RAG1: variants seen among roughly 807,000 people sequenced by gnomAD.
The protein encoded by RAG1 is V(D)J recombination-activating protein 1.
A neutral mutation model predicts 62.7 loss-of-function variants in RAG1; 35 were observed. The ratio of observed to expected loss-of-function variants is 0.56; its 90% CI spans 0.43 to 0.74. The LOEUF is 0.74. RAG1 is among the 30% of genes least tolerant of loss of function. The probability of loss-of-function intolerance (pLI) is 0.00; values close to 1 mark genes in which losing one functional copy is unlikely to be tolerated. For missense variants in RAG1, 1,169 were observed against 1,278.6 expected, an observed-to-expected ratio of 0.91 and a Z score of 1.31; for synonymous variants, 461 against 470.3, an observed-to-expected ratio of 0.98 and a Z score of 0.26.
intron 3 of RAG1, among the ~76,000 whole-genome samples, chr11:36,545,684 A>G (rs772642405): frequency 3.3e-5 from 5 of 152,286 alleles, no homozygotes; most frequent in Middle Eastern, 3.4e-3. Context: ...CTGTTCTTCT[A>G]TTGGCAGACA....
downstream of RAG1, among the ~76,000 whole-genome samples, chr11:36,539,157 G>A (rs115649995): frequency 0.013 from 1,931 of 152,192 alleles, 41 homozygotes; most frequent in African/African-American, 0.043. Context: ...CGGTCATAAG[G>A]GTGGGGTCTT....
At chr11:36,541,941 G>A (rs1229544282) in intron 3 of RAG1, among the ~76,000 whole-genome samples, 1 of 152,098 alleles carries the variant, frequency 6.6e-6, no homozygotes, top group Non-Finnish European at 1.5e-5. Context: ...TGGGAAGATT[G>A]TGACCCCATA....
intron 2 of RAG1, among the ~76,000 whole-genome samples, chr11:36,524,901 C>A (rs1367132724): frequency 6.6e-6 from 1 of 152,174 alleles, no homozygotes; most frequent in East Asian, 1.9e-4. Context: ...CTTTTCATAT[C>A]ATTTGCCCAT....
intron 1 of RAG1, among the ~76,000 whole-genome samples, chr11:36,518,157 A>C (rs779651335): frequency 1.3e-4 from 19 of 151,852 alleles, no homozygotes; most frequent in Non-Finnish European, 2.6e-4. Context: ...TTTCCCTACA[A>C]AGGACATGAA....
rs767836814 is a variant in RAG1, at chr11:36,576,415, C to A, written c.3111C>A (p.Ser1037Arg). The stretch of plus-strand genomic sequence containing the variant: ...TAGGCATAGAGGACTCTCTGGAAAG[C>A]CAAGATTCAATGGAATTTTAAGTAG... ...DPLGIEDSLESQDSMEF is the reference protein window; with the variant it reads ...DPLGIEDSLERQDSMEF The change falls in exon 2 of 2, where the codon AGC becomes AGA. Residue 1037 changes from serine to arginine, a missense_variant. Physicochemically the swap from Ser to Arg is moderately radical, Grantham distance 110 (BLOSUM62 -1). Around this residue, in one of 2 missense-constraint regions of RAG1, gnomAD observed 800 missense variants for 943.3 expected, o/e 0.85. Coordinates refer to ENST00000299440, the MANE Select transcript of RAG1 (RefSeq NM_000448.3). The A allele has an allele frequency of 6.2e-7, 1 of 1,614,020 alleles. No individual in the cohort carries two copies.
chr11:36,529,164 C>T (rs1272168050), intron 2 of RAG1, among the ~76,000 whole-genome samples: 1 of 152,070 alleles, frequency 6.6e-6, no homozygotes, highest in African/African-American at 2.4e-5. Context: ...CATCCTGATA[C>T]CAAAACCTGG....
chr11:36,536,821 C>T (rs571663486), downstream of RAG1, among the ~76,000 whole-genome samples: 207 of 151,416 alleles, frequency 1.4e-3, 2 homozygotes, highest in Middle Eastern at 0.014. Context: ...TGCAGTGGCA[C>T]GATCTCAGCT....
downstream of RAG1, among the ~76,000 whole-genome samples, chr11:36,539,723 C>G (rs1405377349): frequency 6.6e-6 from 1 of 152,180 alleles, no homozygotes; most frequent in South Asian, 2.1e-4. Context: ...GGTGATCTGC[C>G]CACCTCGGCC....
intron 2 of RAG1, among the ~76,000 whole-genome samples, chr11:36,523,166 A>G (rs1860107403): frequency 6.6e-6 from 1 of 152,186 alleles, no homozygotes; most frequent in African/African-American, 2.4e-5. Context: ...GTGGAATGAT[A>G]TGATTTGGCT....
chr11:36,521,077 A>C (rs894158338), intron 2 of RAG1, among the ~76,000 whole-genome samples: 2 of 150,796 alleles, frequency 1.3e-5, no homozygotes, highest in African/African-American at 4.9e-5. Flanking sequence ...CCCCTGCCTC[A>C]GCCTCCTGAG....
intron 1 of RAG1, among the ~76,000 whole-genome samples, chr11:36,573,008 G>A (rs1422839363): frequency 6.6e-6 from 1 of 152,134 alleles, no homozygotes; most frequent in Non-Finnish European, 1.5e-5. Context: ...CAAAGATTCT[G>A]TCCTTAAAGA....
chr11:36,549,958 A>C, intron 3 of RAG1, among the ~76,000 whole-genome samples: 4 of 152,112 alleles, frequency 2.6e-5, no homozygotes, highest in African/African-American at 9.7e-5. Context: ...AGTTCATGTC[A>C]TTTGCAGAAA....
chr11:36,546,552 AT>A (rs1481149565), intron 3 of RAG1, among the ~76,000 whole-genome samples: 1 of 152,088 alleles, frequency 6.6e-6, no homozygotes, highest in Non-Finnish European at 1.5e-5. Flanking sequence ...CTGTCTTTTA[AT>A]TGGGGGCATT....
upstream of RAG1, among the ~76,000 whole-genome samples, chr11:36,566,823 GGCT>G (rs1850668797): frequency 6.6e-6 from 1 of 152,162 alleles, no homozygotes; most frequent in Non-Finnish European, 1.5e-5. Context: ...GTGGCCCCAG[GGCT>G]GTTGTGTGGT....
chr11:36,513,634 C>A (rs1859956280), intron 1 of RAG1, among the ~76,000 whole-genome samples: 2 of 152,144 alleles, frequency 1.3e-5, no homozygotes, highest in Non-Finnish European at 2.9e-5. Flanking sequence ...ATACCTGAGA[C>A]TGGGTAGTTT....
In RAG1 at chr11:36,551,617, T is replaced by A. The variant is rs1023363934; in HGVS notation, c.-411-11768T>A. 6.2e-5 allele frequency among the ~76,000 whole-genome samples: 9 copies of A among 145,140 alleles called. No homozygotes were observed. In the South Asian group the frequency reaches 8.5e-4, roughly 14 times the overall value. On this transcript the variant is annotated intron_variant and NMD_transcript_variant, in intron 3 of 9. Transcript: ENST00000534663. ...TAATTACTTCTTTTTTTTTTTTTTT[T>A]TTATTATACTCTAAGTTTTAGGGTA...
chr11:36,518,575 A>G (rs896166913), intron 1 of RAG1, among the ~76,000 whole-genome samples: 8 of 152,072 alleles, frequency 5.3e-5, no homozygotes, highest in South Asian at 2.1e-4. Flanking sequence ...TTTGATTTGC[A>G]TTTCTCTGAT....
chr11:36,539,449 G>T (rs1170255006), downstream of RAG1, among the ~76,000 whole-genome samples: 1 of 152,172 alleles, frequency 6.6e-6, no homozygotes, highest in Non-Finnish European at 1.5e-5. Context: ...AATCTTTAGA[G>T]ACTTCTTCTG....
Position 36,573,709 on chromosome 11 carries a change from TA to T in RAG1, c.409del (p.Thr137ProfsTer2). The T allele has an allele frequency of 6.2e-7, 1 of 1,614,066 alleles. No individual in the cohort carries two copies. The highest frequency in any genetic ancestry group is 8.5e-7 in the Non-Finnish European group (1 of 1,180,026). The stretch of plus-strand genomic sequence containing the variant: ...ATCCAGTCCATGGTCCTGTGGATGG[TA>T]AAACCCTAGGCCTTTTACGAAAGAA... ...RYPVHGPVDG[K>X]TLGLLRKKEK... On this transcript the variant is annotated frameshift_variant, in exon 2 of 2. Coordinates refer to ENST00000299440, the MANE Select transcript of RAG1 (RefSeq NM_000448.3). LOFTEE classifies it high-confidence loss of function.
Sources: gnomAD v4.1 joint callset for allele counts (sites outside exome capture counted in the v4.1 genomes callset) on GRCh38, gnomAD v4.1.1 for gene constraint, gnomAD v4.1.1 regional missense constraint, MANE v1.5 for transcripts, NCBI Gene and HGNC (gene_info 2026-07-23, HGNC 2026-07-21) for gene names.